The following ETV5 variants were observed in gnomAD, a reference collection of about 807,000 sequenced individuals.
The protein encoded by ETV5 is ETS variant transcription factor 5.
ETV5 carries 10 observed loss-of-function variants against 70.0 expected under a neutral mutation model. That is an observed-to-expected ratio of 0.14 (90% confidence interval 0.09 to 0.24). The LOEUF (loss-of-function observed/expected upper bound fraction) is 0.24, where lower values mean the gene tolerates loss of function less well. ETV5 is among the 10% of genes least tolerant of loss of function. The pLI, the probability that ETV5 is intolerant of heterozygous loss-of-function variation, is 1.00. For synonymous variants in ETV5, 216 were observed against 242.2 expected (o/e 0.89, Z 1.01); for missense variants, 453 against 651.2 (o/e 0.70, Z 3.31).
intron 12 of ETV5, 26 bp from the exon 13 acceptor site, chr3:186,048,886 G>A: frequency 6.3e-7 from 1 of 1,591,618 alleles, no homozygotes; most frequent in Non-Finnish European, 8.6e-7. Flanking sequence ...CACCTTACAG[G>A]GCCCAGTTGG....
Position 186,067,077 on chromosome 3 carries a change from T to C in ETV5, c.651-1005A>G, listed in dbSNP as rs570486752. 2.4e-4 allele frequency among the ~76,000 whole-genome samples: 37 copies of C among 152,186 alleles called. No homozygotes were observed. In the South Asian group the frequency reaches 5.2e-3, roughly 21 times the overall value. On this transcript the variant is annotated intron_variant, in intron 7 of 12. Coordinates refer to ENST00000306376, the MANE Select transcript of ETV5 (RefSeq NM_004454.3). Reference sequence around the variant, plus strand: ...TGGGAGGCTGAGGCGGGCAGATCGCTTGAGGTCAGGAGTTCAAGACCAACC... The same window carrying C: ...TGGGAGGCTGAGGCGGGCAGATCGCCTGAGGTCAGGAGTTCAAGACCAACC...
Position 186,093,353 on chromosome 3 carries a change from A to G in ETV5, c.232+11952T>C, listed in dbSNP as rs375263805. 1.1e-4 allele frequency among the ~76,000 whole-genome samples: 16 copies of G among 152,274 alleles called. No individual in the cohort carries two copies. In the East Asian group the frequency reaches 2.1e-3, roughly 20 times the overall value. ...TAAAAATCTCATTATTTGAACTATA[A>G]GGTTTATATTATCTAGTGGCTTCAT... On this transcript the variant is annotated intron_variant, in intron 5 of 12. Transcript: ENST00000306376.
chr3:186,082,989 A>G (rs1323050292), intron 5 of ETV5, among the ~76,000 whole-genome samples: 1 of 152,254 alleles, frequency 6.6e-6, no homozygotes, highest in Non-Finnish European at 1.5e-5. Flanking sequence ...CTAGCAGATT[A>G]TATTTAGAAG....
rs116661006 is a variant in ETV5, at chr3:186,090,854, C to T, written c.233-9679G>A. On this transcript the variant is annotated intron_variant, in intron 5 of 12. Coordinates refer to ENST00000306376, the MANE Select transcript of ETV5 (RefSeq NM_004454.3). ...GCTGGAAATAGGTGGCCTATGCTTT[C>T]GCTGCTCTGAGCCTGGGGGCTCCAA... 3.9e-3 allele frequency among the ~76,000 whole-genome samples: 592 copies of T among 152,312 alleles called. 9 individuals carry two copies. Among genetic ancestry groups the T allele is most frequent in the African/African-American group, 0.014 (562 of 41,566 alleles).
chr3:186,105,077 G>T lies in ETV5; in HGVS notation c.232+228C>A. ...TATTCTTAAGGTAAAAAGAAATTTA[G>T]GATAAAATTATGTTCAGTAAATCTT... On this transcript the variant is annotated intron_variant, in intron 5 of 12. Coordinates refer to ENST00000306376, the MANE Select transcript of ETV5 (RefSeq NM_004454.3). This position sits in a 1 kb window ranked among gnomAD's most constrained non-coding sequence, Gnocchi z 4.5. 1 of 435,310 alleles carries T rather than the reference G, an allele frequency of 2.3e-6. No individual in the cohort carries two copies. Among genetic ancestry groups the T allele is most frequent in the Non-Finnish European group, 4.0e-6 (1 of 248,756 alleles). The allele number at this position is 435,310 out of a possible 1,614,324, so 27.0% of individuals were successfully genotyped here.
intron 7 of ETV5, among the ~76,000 whole-genome samples, chr3:186,078,828 G>A (rs956936067): frequency 6.6e-6 from 1 of 152,038 alleles, no homozygotes; most frequent in South Asian, 2.1e-4. Context: ...AGAGCAAAAC[G>A]GGAAGGGGAT....
intron 7 of ETV5, among the ~76,000 whole-genome samples, chr3:186,075,724 A>C (rs1713767918): frequency 1.3e-5 from 2 of 152,238 alleles, no homozygotes; most frequent in Non-Finnish European, 2.9e-5. Flanking sequence ...ACAGCATGCT[A>C]GCCTACCACA....
At chr3:186,106,951 C>T (rs760314349) in intron 1 of ETV5, 55 of 985,130 alleles carry the variant, frequency 5.6e-5, no homozygotes, top group Non-Finnish European at 6.5e-5. Context: ...CTCACTCCAG[C>T]TCTAAGCAAT....
At chr3:186,063,715 A>C (rs929010842) in intron 9 of ETV5, among the ~76,000 whole-genome samples, 11 of 152,176 alleles carry the variant, frequency 7.2e-5, no homozygotes, top group African/African-American at 2.7e-4. Context: ...GTGTCCTTCA[A>C]TAATGCATTT....
chr3:186,069,563 T>TC (rs1003684100), intron 7 of ETV5, among the ~76,000 whole-genome samples: 1 of 151,444 alleles, frequency 6.6e-6, no homozygotes, highest in African/African-American at 2.4e-5. Context: ...TCTTGCTCTG[T>TC]CACCCAGGCT....
chr3:186,108,473 C>G (rs1714650684), intron 1 of ETV5: 5 of 1,270,652 alleles, frequency 3.9e-6, no homozygotes, highest in Non-Finnish European at 5.1e-6. Context: ...CATTTACCCC[C>G]TCCCGGTGCT....
Position 186,065,963 on chromosome 3 carries a change from C to A in ETV5, c.760G>T (p.Ala254Ser). ...AATCCCTGAGGGGGCGGGGGAGCTG[C>A]AGGGACAATAGGTTCTGACATTTGC... ...HRQMSEPIVP[A>S]APPPPQGFKQ... is the part of the protein sequence containing the mutation. The change falls in exon 8 of 13, where the codon GCA becomes TCA. Residue 254 changes from alanine to serine, a missense_variant. Coordinates refer to ENST00000306376, the MANE Select transcript of ETV5 (RefSeq NM_004454.3). 1 of 1,611,518 alleles carries A rather than the reference C, an allele frequency of 6.2e-7. No individual in the cohort carries two copies. The highest frequency in any genetic ancestry group is 1.3e-5 in the African/African-American group (1 of 74,822).
intron 7 of ETV5, among the ~76,000 whole-genome samples, 190 bp from the exon 8 acceptor site, chr3:186,066,262 C>CAAAAAAAAAAAAAAAAAAAA (rs10681607): frequency 7.4e-5 from 7 of 94,882 alleles, no homozygotes; most frequent in African/African-American, 8.2e-5. Context: ...CAGGAAGTGG[C>CAAAAAAAAAAAAAAAAAAAA]AAAAAAAAAA....
At chr3:186,094,834 C>T (rs1287991099) in intron 5 of ETV5, among the ~76,000 whole-genome samples, 1 of 152,152 alleles carries the variant, frequency 6.6e-6, no homozygotes, top group Non-Finnish European at 1.5e-5. Context: ...AAGTAACATG[C>T]TTGTGAGTAC....
rs1343339208 is a variant in ETV5, at chr3:186,046,325, C to T, written c.*2314G>A. 1 of 209,204 alleles carries T rather than the reference C, an allele frequency of 4.8e-6. No homozygotes were observed. The highest frequency in any genetic ancestry group is 9.8e-6 in the Non-Finnish European group (1 of 102,554). 13.0% of individuals were successfully genotyped at this position (209,204 alleles called of 1,614,324 possible). On this transcript the variant is annotated 3_prime_UTR_variant, in exon 13 of 13. Coordinates refer to ENST00000306376, the MANE Select transcript of ETV5 (RefSeq NM_004454.3). ...GAGGCAGGTTCGGGTGCTTGGTAAA[C>T]GAAAAGCAAACTTCTTTATTGTACA...
At chr3:186,049,019 T>C (rs1183604744) in intron 12 of ETV5, among the ~76,000 whole-genome samples, 159 bp from the exon 13 acceptor site, 2 of 152,192 alleles carry the variant, frequency 1.3e-5, no homozygotes, top group Non-Finnish European at 2.9e-5. Flanking sequence ...GAACCTATTA[T>C]CTGCCAAGTG....
Position 186,057,445 on chromosome 3 carries a change from A to G in ETV5, c.1017T>C (p.Cys339=), listed in dbSNP as rs148669603. The G allele has an allele frequency of 4.8e-4, 779 of 1,614,154 alleles. 2 individuals carry two copies. The highest frequency in any genetic ancestry group is 1.5e-3 in the Middle Eastern group (9 of 6,062). The change falls in exon 10 of 13, where the codon TGT becomes TGC. Residue 339 remains cysteine (C), a synonymous_variant. Transcript: ENST00000306376. This position sits in a 1 kb window ranked among gnomAD's most constrained non-coding sequence, Gnocchi z 4.9. ...KDPRLYFDDT[C]VVPERLEGKV... ...TACCTTCCAGTCTCTCAGGCACAACACAAGTGTCGTCAAAGTATAATCGGG... is the reference window on the plus strand; with the variant it reads ...TACCTTCCAGTCTCTCAGGCACAACGCAAGTGTCGTCAAAGTATAATCGGG...
chr3:186,074,792 T>C (rs1380396120), intron 7 of ETV5, among the ~76,000 whole-genome samples: 1 of 136,618 alleles, frequency 7.3e-6, no homozygotes, highest in Non-Finnish European at 1.5e-5. Context: ...TGCCCGCCTA[T>C]AATTCCAGCT....
At chr3:186,068,307 A>G (rs993935316) in intron 7 of ETV5, among the ~76,000 whole-genome samples, 2 of 152,260 alleles carry the variant, frequency 1.3e-5, no homozygotes, top group Non-Finnish European at 2.9e-5. Flanking sequence ...GAAGGTTGCT[A>G]AACAGTACGT....
Sources: gnomAD v4.1 joint callset for allele counts (sites outside exome capture counted in the v4.1 genomes callset) on GRCh38, gnomAD v4.1.1 for gene constraint, Gnocchi (gnomAD v3.1) non-coding constraint, MANE v1.5 for transcripts, NCBI Gene and HGNC (gene_info 2026-07-23, HGNC 2026-07-21) for gene names.